TCF12: variants seen among roughly 807,000 people sequenced by gnomAD.
TCF12 encodes the protein DNA-binding protein HTF4.
In TCF12, 45 loss-of-function variants were observed where a neutral mutation model predicts 86.0. That is an observed-to-expected ratio of 0.52 (90% CI 0.41 to 0.67). TCF12 has a LOEUF of 0.67. TCF12 is among the 30% of genes least tolerant of loss of function. The probability of loss-of-function intolerance (pLI) is 0.00; values close to 1 mark genes in which losing one functional copy is unlikely to be tolerated. For synonymous variants in TCF12, 330 were observed against 299.6 expected (o/e 1.10, Z -1.05); for missense variants, 881 against 859.9 (o/e 1.02, Z -0.31).
At chr15:57,000,610 A>G (rs1000177983) in intron 3 of TCF12, among the ~76,000 whole-genome samples, 31 of 152,342 alleles carry the variant, frequency 2.0e-4, no homozygotes, top group African/African-American at 7.5e-4. Context: ...CAGTATAAGC[A>G]AAAGAAAACA....
intron 3 of TCF12, among the ~76,000 whole-genome samples, chr15:56,985,621 T>C (rs1377038670): frequency 6.6e-6 from 1 of 152,184 alleles, no homozygotes; most frequent in Non-Finnish European, 1.5e-5. Flanking sequence ...ATTTGAGCCA[T>C]GTAAATTAAG....
intron 5 of TCF12, among the ~76,000 whole-genome samples, chr15:57,102,989 G>C (rs2733311): frequency 1.3e-5 from 2 of 152,224 alleles, no homozygotes; most frequent in Non-Finnish European, 2.9e-5. Flanking sequence ...CTGCTTAATA[G>C]AGGTGTGGCA....
intron 8 of TCF12, among the ~76,000 whole-genome samples, chr15:57,223,654 T>TTGTTTTCTTTTTG (rs56405255): frequency 7.7e-6 from 1 of 129,964 alleles, no homozygotes; most frequent in Non-Finnish European, 1.7e-5. Context: ...TTTTTTTTTT[T>TTGTTTTCTTTTTG]TTTTTTTTTT....
At chr15:57,001,969 C>T (rs1347070046) in intron 3 of TCF12, among the ~76,000 whole-genome samples, 1 of 152,184 alleles carries the variant, frequency 6.6e-6, no homozygotes, top group Non-Finnish European at 1.5e-5. Context: ...GAGCATGAAA[C>T]TTTCTAGAAA....
Position 56,954,653 on chromosome 15 carries a change from G to A in TCF12, c.148+33555G>A, listed in dbSNP as rs147553449. Among the ~76,000 whole-genome samples the A allele has an allele frequency of 4.5e-3, 686 of 152,218 alleles. 5 individuals are homozygous for A. Among genetic ancestry groups the A allele is most frequent in the African/African-American group, 0.016 (670 of 41,548 alleles). On this transcript the variant is annotated intron_variant, in intron 3 of 20. Transcript: ENST00000333725. The stretch of plus-strand genomic sequence containing the variant: ...ACAGGCAGCCTACAAAATGGGAGAA[G>A]ATTTTTGCAATCTACCTATCTGACA...
chr15:57,038,003 G>GT (rs2066626515), intron 3 of TCF12, among the ~76,000 whole-genome samples: 1 of 152,124 alleles, frequency 6.6e-6, no homozygotes, highest in Non-Finnish European at 1.5e-5. Context: ...AATGAAATAG[G>GT]TTTTAAACTA....
chr15:57,249,551 A>C (rs1566983646), intron 13 of TCF12, among the ~76,000 whole-genome samples: 1 of 152,154 alleles, frequency 6.6e-6, no homozygotes, highest in Non-Finnish European at 1.5e-5. Flanking sequence ...CAACTTTTCA[A>C]CTTGCAAAAT....
At chr15:57,281,337 A>G (rs1014451396) in intron 19 of TCF12, among the ~76,000 whole-genome samples, 2 of 152,204 alleles carry the variant, frequency 1.3e-5, no homozygotes, top group African/African-American at 4.8e-5. Context: ...ACCTCCAGCA[A>G]TAGAAAGACC....
chr15:57,137,997 C>G (rs1342086723), intron 5 of TCF12, among the ~76,000 whole-genome samples: 1 of 151,976 alleles, frequency 6.6e-6, no homozygotes, highest in African/African-American at 2.4e-5. Flanking sequence ...ATTGTGCACT[C>G]CAGCCTGGCT....
chr15:56,918,310 G>A (rs1027183790), upstream of TCF12: 3 of 454,028 alleles, frequency 6.6e-6, no homozygotes, highest in South Asian at 1.6e-5. Context: ...CCGTCGCTCC[G>A]CTTCGGGGGC....
chr15:57,104,508 C>T (rs1159991880), intron 5 of TCF12, among the ~76,000 whole-genome samples: 1 of 125,836 alleles, frequency 7.9e-6, no homozygotes, highest in African/African-American at 3.0e-5. Context: ...GTGGAGCGAT[C>T]TCGGCTCACC....
intron 3 of TCF12, among the ~76,000 whole-genome samples, chr15:56,977,918 CAG>C (rs1163389707): frequency 6.6e-6 from 1 of 152,092 alleles, no homozygotes; most frequent in Non-Finnish European, 1.5e-5. Context: ...ATAGGGCAGA[CAG>C]AATTTGCATT....
chr15:57,120,502 A>T (rs1452676797), intron 5 of TCF12, among the ~76,000 whole-genome samples: 1 of 152,208 alleles, frequency 6.6e-6, no homozygotes, highest in Non-Finnish European at 1.5e-5. Flanking sequence ...AGCTCTCAGG[A>T]CTTACAGTTC....
chr15:57,105,035 A>G (rs2151196105), intron 5 of TCF12, among the ~76,000 whole-genome samples: 1 of 151,448 alleles, frequency 6.6e-6, no homozygotes, highest in East Asian at 2.0e-4. Flanking sequence ...CACTACACCC[A>G]GCTAATTTTT....
intron 4 of TCF12, among the ~76,000 whole-genome samples, chr15:57,078,834 G>A (rs777435138): frequency 6.6e-6 from 1 of 152,104 alleles, no homozygotes; most frequent in African/African-American, 2.4e-5. Context: ...AATCCATTTC[G>A]GTTATTGCTG....
intron 20 of TCF12, 124 bp downstream of exon 20, chr15:57,282,722 G>A: frequency 8.5e-7 from 1 of 1,177,802 alleles, no homozygotes; most frequent in Non-Finnish European, 1.2e-6. Context: ...CATGTAATTT[G>A]AAATATAACA....
Position 57,263,966 on chromosome 15 carries a change from G to C in TCF12, c.1745+692G>C, listed in dbSNP as rs188644062. ...GTGGTGAGTGAATGTGAAGGCCTAGGACATTTCTGTACACTATTGTAGACT... is the reference window on the plus strand; with the variant it reads ...GTGGTGAGTGAATGTGAAGGCCTAGCACATTTCTGTACACTATTGTAGACT... On this transcript the variant is annotated intron_variant, in intron 18 of 20. Coordinates refer to ENST00000333725, the MANE Select transcript of TCF12 (RefSeq NM_207037.2). 5.3e-5 allele frequency among the ~76,000 whole-genome samples: 8 copies of C among 152,122 alleles called. No homozygotes were observed. In the East Asian group the frequency reaches 1.5e-3, roughly 29 times the overall value.
intron 16 of TCF12, among the ~76,000 whole-genome samples, chr15:57,259,191 C>T (rs2060477181): frequency 6.6e-6 from 1 of 151,772 alleles, no homozygotes; most frequent in African/African-American, 2.4e-5. Flanking sequence ...ATTTGAAAGC[C>T]ATAGAGGTTA....
chr15:57,133,628 T>TG lies in TCF12; in HGVS notation c.326-32774_326-32773insG, dbSNP rs559990090. On this transcript the variant is annotated intron_variant, in intron 5 of 20. Transcript: ENST00000333725. ...CCATCTGGTCTGCAGTAATGTGTTT[T>TG]TTTTTTTTTTTCCCATCTGTGAATA... is the stretch of plus-strand genomic sequence containing the variant. Among the ~76,000 whole-genome samples the TG allele has an allele frequency of 1.4e-3, 219 of 151,650 alleles. 5 individuals are homozygous for TG. In the South Asian group the frequency reaches 0.043, roughly 29 times the overall value.
Sources: allele counts gnomAD v4.1 joint callset (sites outside exome capture counted in the v4.1 genomes callset), GRCh38; gene constraint gnomAD v4.1.1; transcripts MANE v1.5; gene names NCBI Gene and HGNC (gene_info 2026-07-23, HGNC 2026-07-21).